Variants in NREP observed in about 807,000 individuals in gnomAD.
The protein encoded by NREP is neuronal regeneration related protein, also known as neuronal regeneration-related protein.
In NREP, 5 loss-of-function variants were observed where a neutral mutation model predicts 8.6. The ratio of observed to expected loss-of-function variants is 0.58; its 90% CI spans 0.30 to 1.22. The LOEUF is 1.22. Ranked by LOEUF, NREP falls within the 50% of genes most tolerant of loss-of-function variation. The pLI is 0.07. For missense variants in NREP, 86 were observed against 82.5 expected (o/e 1.04, Z -0.17); for synonymous variants, 27 against 28.0 (o/e 0.96, Z 0.11).
chr5:111,906,133 C>A (rs1490970646), intron 2 of NREP, among the ~76,000 whole-genome samples: 1 of 151,936 alleles, frequency 6.6e-6, no homozygotes, highest in African/African-American at 2.4e-5. Context: ...CCATCATAAG[C>A]CTTGTGATAC....
At chr5:111,864,766 T>G (rs1409323775) in intron 2 of NREP, among the ~76,000 whole-genome samples, 1 of 152,062 alleles carries the variant, frequency 6.6e-6, no homozygotes, top group Non-Finnish European at 1.5e-5. Flanking sequence ...TGATATTAGA[T>G]CCATGGAAAT....
At chr5:111,869,734 T>C (rs558119982) in intron 2 of NREP, among the ~76,000 whole-genome samples, 1 of 152,172 alleles carries the variant, frequency 6.6e-6, no homozygotes, top group East Asian at 1.9e-4. Flanking sequence ...GAGTAAAGAA[T>C]GACACCCAAA....
Position 111,798,406 on chromosome 5 carries a change from G to A in NREP, c.136-62899C>T, listed in dbSNP as rs145262584. Among the ~76,000 whole-genome samples the A allele has an allele frequency of 6.4e-3, 967 of 152,056 alleles. 7 individuals carry two copies. Among genetic ancestry groups the A allele is most frequent in the Non-Finnish European group, 8.7e-3 (592 of 67,978 alleles). On this transcript the variant is annotated intron_variant, in intron 2 of 3. Transcript: ENST00000395634. The stretch of plus-strand genomic sequence containing the variant: ...ATTTCAATAGGTGTTTGGGGAACAG[G>A]TGGTATTTGGTTACATAAGTTCTTT...
At chr5:111,860,683 T>C (rs1349391269) in intron 2 of NREP, among the ~76,000 whole-genome samples, 1 of 152,170 alleles carries the variant, frequency 6.6e-6, no homozygotes, top group Non-Finnish European at 1.5e-5. Flanking sequence ...CTTTATTTCC[T>C]ATTTGTCACC....
intron 2 of NREP, among the ~76,000 whole-genome samples, chr5:111,786,869 T>C (rs2112889085): frequency 6.6e-6 from 1 of 152,288 alleles, no homozygotes; most frequent in South Asian, 2.1e-4. Flanking sequence ...AAGAAGGGCA[T>C]GAATCTTTGG....
intron 2 of NREP, 117 bp downstream of exon 2, chr5:111,755,653 G>A (rs1750652886): frequency 5.2e-6 from 6 of 1,148,136 alleles, no homozygotes; most frequent in South Asian, 5.0e-5. Flanking sequence ...ACCTTTTAAA[G>A]GTCAGATGGG....
intron 2 of NREP, among the ~76,000 whole-genome samples, chr5:111,973,552 G>A (rs1163899170): frequency 6.6e-6 from 1 of 152,120 alleles, no homozygotes; most frequent in Non-Finnish European, 1.5e-5. Context: ...ACCTTCACCA[G>A]CCTGCCAAGC....
chr5:111,852,775 C>T (rs977270914), intron 2 of NREP, among the ~76,000 whole-genome samples: 2 of 152,068 alleles, frequency 1.3e-5, no homozygotes, highest in African/African-American at 2.4e-5. Flanking sequence ...ACAAGCAGGA[C>T]ATTAAACCAT....
chr5:111,937,486 T>TA (rs1755716048), intron 2 of NREP, among the ~76,000 whole-genome samples: 1 of 152,090 alleles, frequency 6.6e-6, no homozygotes, highest in South Asian at 2.1e-4. Flanking sequence ...TCTCAACACT[T>TA]ACCTCCTCTC....
intron 2 of NREP, among the ~76,000 whole-genome samples, chr5:111,763,365 A>G (rs1751008817): frequency 6.6e-6 from 1 of 152,224 alleles, no homozygotes; most frequent in African/African-American, 2.4e-5. Flanking sequence ...GACTCTATAA[A>G]ATATGATGAA....
At chr5:111,801,190 A>C (rs1404725971) in intron 2 of NREP, among the ~76,000 whole-genome samples, 1 of 152,252 alleles carries the variant, frequency 6.6e-6, no homozygotes, top group African/African-American at 2.4e-5. Context: ...AAGAATTTAC[A>C]ATTACAAATG....
chr5:111,976,837 A>T (rs979936983), exon 1 of NREP: 26 of 888,836 alleles, frequency 2.9e-5, no homozygotes, highest in Admixed American at 7.6e-5. Context: ...ACAGCTCTGC[A>T]GCCCATTCTG....
At chr5:111,913,543 T>C (rs1490732135) in intron 2 of NREP, among the ~76,000 whole-genome samples, 3 of 152,064 alleles carry the variant, frequency 2.0e-5, no homozygotes, top group Non-Finnish European at 2.9e-5. Context: ...GAGTTCATAG[T>C]TCAGGGTCCT....
chr5:111,933,013 C>T (rs1755584033), intron 2 of NREP, among the ~76,000 whole-genome samples: 1 of 152,078 alleles, frequency 6.6e-6, no homozygotes, highest in East Asian at 1.9e-4. Flanking sequence ...ATAAAAAGAT[C>T]CTTCAGAGAG....
chr5:111,971,672 C>T (rs992199330), intron 2 of NREP, among the ~76,000 whole-genome samples: 7 of 152,006 alleles, frequency 4.6e-5, no homozygotes, highest in Non-Finnish European at 7.4e-5. Context: ...GATACCCACA[C>T]GTAGAAGAAT....
chr5:111,947,860 C>T (rs1435306098), intron 2 of NREP, among the ~76,000 whole-genome samples: 1 of 151,926 alleles, frequency 6.6e-6, no homozygotes, highest in Admixed American at 6.6e-5. Context: ...CATATTCCTC[C>T]TTGATCTTAC....
intron 2 of NREP, among the ~76,000 whole-genome samples, chr5:111,858,945 G>A (rs968391679): frequency 6.6e-6 from 1 of 151,288 alleles, no homozygotes; most frequent in Admixed American, 6.6e-5. Flanking sequence ...GAAGGCAAAG[G>A]GAAAGGTAAT....
rs184076349 is a variant in NREP at position 111,818,835 on chromosome 5, A to C, written c.136-83328T>G. Among the ~76,000 whole-genome samples the C allele has an allele frequency of 5.3e-4, 80 of 152,352 alleles. 1 individual carries two copies. Among genetic ancestry groups the C allele is most frequent in the African/African-American group, 1.7e-3 (71 of 41,586 alleles). On this transcript the variant is annotated intron_variant, in intron 2 of 3. Transcript: ENST00000395634. The stretch of plus-strand genomic sequence containing the variant: ...CAGATTTTACAGGTTAAAATGAAAG[A>C]ATTAGATATGTATAAATCTCAACAG...
At chr5:111,826,856 T>C (rs1300144899) in intron 2 of NREP, among the ~76,000 whole-genome samples, 3 of 152,148 alleles carry the variant, frequency 2.0e-5, no homozygotes, top group East Asian at 1.9e-4. Context: ...TTTGAGCTTT[T>C]CCCCCATTTT....
Sources: gnomAD v4.1 joint callset for allele counts (sites outside exome capture counted in the v4.1 genomes callset) on GRCh38, gnomAD v4.1.1 for gene constraint, MANE v1.5 for transcripts, NCBI Gene and HGNC (gene_info 2026-07-23, HGNC 2026-07-21) for gene names.